Variants in JARID2 observed in about 807,000 individuals in gnomAD.
JARID2 encodes jumonji and AT-rich interaction domain containing 2.
A neutral mutation model predicts 125.6 loss-of-function variants in JARID2; 21 were observed. That is an observed-to-expected ratio of 0.17 (90% CI 0.12 to 0.24). The LOEUF (loss-of-function observed/expected upper bound fraction) is 0.24. JARID2 is among the 10% of genes least tolerant of loss of function. JARID2 has a pLI of 1.00. For synonymous variants in JARID2, 736 were observed against 661.6 expected (o/e 1.11, Z -1.73); for missense variants, 1,303 against 1,639.6 (o/e 0.79, Z 3.55).
intron 1 of JARID2, among the ~76,000 whole-genome samples, chr6:15,259,491 G>C (rs537005794): frequency 6.6e-6 from 1 of 152,292 alleles, no homozygotes; most frequent in Admixed American, 6.5e-5. Flanking sequence ...CACCAGGCTG[G>C]ACCCTATACA....
intron 6 of JARID2, among the ~76,000 whole-genome samples, chr6:15,491,419 C>A (rs763069344): frequency 6.6e-6 from 1 of 152,268 alleles, no homozygotes; most frequent in African/African-American, 2.4e-5. Context: ...AACTCACTGT[C>A]TGTCCAGTGC....
chr6:15,407,779 T>TTTCTTC (rs554233465), intron 2 of JARID2, among the ~76,000 whole-genome samples: 3 of 152,214 alleles, frequency 2.0e-5, no homozygotes, highest in Non-Finnish European at 4.4e-5. Flanking sequence ...TTTCTTCACT[T>TTTCTTC]ACTACTGAGT....
chr6:15,513,405 C>T lies in JARID2; in HGVS notation c.3433C>T (p.Leu1145=). ...SERRCQICQH[L]CYLSMVVQEN... is the part of the protein sequence containing the mutation. ...GAGGAGGTGTCAGATCTGCCAGCAC[C>T]TGTGCTACCTGTCCATGGTGAGCCC... The change falls in exon 16 of 18, where the codon CTG becomes TTG. Residue 1145 remains leucine (L), a synonymous_variant. Transcript: ENST00000341776. 1 of 1,607,554 alleles carries T rather than the reference C, an allele frequency of 6.2e-7. No individual in the cohort carries two copies. Among genetic ancestry groups the T allele is most frequent in the Non-Finnish European group, 8.5e-7 (1 of 1,176,010 alleles).
chr6:15,323,082 T>G (rs1762411649), intron 1 of JARID2, among the ~76,000 whole-genome samples: 1 of 152,210 alleles, frequency 6.6e-6, no homozygotes, highest in Non-Finnish European at 1.5e-5. Context: ...CCTCACAACA[T>G]TCTGGTTGTA....
intron 1 of JARID2, among the ~76,000 whole-genome samples, chr6:15,308,871 T>C (rs1175283256): frequency 1.3e-5 from 2 of 152,214 alleles, no homozygotes; most frequent in Non-Finnish European, 1.5e-5. Flanking sequence ...TAGGCTAATA[T>C]AGGAAAATTT....
chr6:15,279,986 A>G (rs1375472105), intron 1 of JARID2, among the ~76,000 whole-genome samples: 1 of 152,098 alleles, frequency 6.6e-6, no homozygotes, highest in Non-Finnish European at 1.5e-5. Flanking sequence ...GGGAAATTTC[A>G]TGTCTAGGGA....
intron 3 of JARID2, among the ~76,000 whole-genome samples, chr6:15,421,793 A>G (rs145135794): frequency 5.3e-5 from 8 of 152,240 alleles, no homozygotes; most frequent in African/African-American, 1.4e-4. Flanking sequence ...CTGAATTTTC[A>G]GGTGTGTGCA....
intron 8 of JARID2, among the ~76,000 whole-genome samples, chr6:15,502,846 C>T (rs1468846042): frequency 6.6e-6 from 1 of 152,172 alleles, no homozygotes; most frequent in Non-Finnish European, 1.5e-5. Flanking sequence ...ATGCAGCCTG[C>T]CAAGTGTGAC....
At chr6:15,482,418 CTT>C (rs1198383813) in intron 5 of JARID2, among the ~76,000 whole-genome samples, 2 of 152,154 alleles carry the variant, frequency 1.3e-5, no homozygotes, top group African/African-American at 4.8e-5. Context: ...AGTTAAGACA[CTT>C]TAAGATATTT....
At chr6:15,341,446 C>G (rs753444391) in intron 1 of JARID2, among the ~76,000 whole-genome samples, 16 of 152,278 alleles carry the variant, frequency 1.1e-4, no homozygotes, top group Non-Finnish European at 2.1e-4. Context: ...TAGGGCAGGC[C>G]CCAGCCTCCA....
intron 6 of JARID2, among the ~76,000 whole-genome samples, chr6:15,492,893 T>TG (rs1233151601): frequency 6.6e-6 from 1 of 152,170 alleles, no homozygotes; most frequent in African/African-American, 2.4e-5. Flanking sequence ...TGGATACTGT[T>TG]GAAGATAACT....
intron 1 of JARID2, among the ~76,000 whole-genome samples, chr6:15,259,502 C>A (rs1484539897): frequency 6.6e-6 from 1 of 152,166 alleles, no homozygotes; most frequent in Non-Finnish European, 1.5e-5. Context: ...ACCCTATACA[C>A]AATGCCACAT....
chr6:15,395,431 A>G (rs1392600768), intron 2 of JARID2, among the ~76,000 whole-genome samples: 1 of 151,788 alleles, frequency 6.6e-6, no homozygotes. Flanking sequence ...GTGCCCGGCT[A>G]AGTTTTTGTA....
At chr6:15,452,852 T>C (rs1767983269) in intron 4 of JARID2, among the ~76,000 whole-genome samples, 1 of 152,216 alleles carries the variant, frequency 6.6e-6, no homozygotes, top group Admixed American at 6.5e-5. Context: ...GAGTCATTTC[T>C]GGAGGAATGA....
chr6:15,439,104 A>ACCC lies in JARID2; in HGVS notation c.324-12901_324-12899dup, dbSNP rs562885439. On this transcript the variant is annotated intron_variant, in intron 3 of 17. Coordinates refer to ENST00000341776, the MANE Select transcript of JARID2 (RefSeq NM_004973.4). ...AGTGGAACAGGGGAGAATGAGGCAA[A>ACCC]CCCAGCTACAGTGCCTCTCATAGGA... Among the ~76,000 whole-genome samples, 24 of 152,002 alleles carry ACCC rather than the reference A, an allele frequency of 1.6e-4. No homozygotes were observed. The South Asian group carries it at 2.3e-3, about 15-fold the overall frequency.
chr6:15,445,291 C>T (rs1242015603), intron 3 of JARID2, among the ~76,000 whole-genome samples: 3 of 152,106 alleles, frequency 2.0e-5, no homozygotes, highest in Non-Finnish European at 1.5e-5. Flanking sequence ...TAGTTCATCC[C>T]TGGGGTTTCT....
chr6:15,409,338 C>T (rs1288973175), intron 2 of JARID2, among the ~76,000 whole-genome samples: 12 of 152,246 alleles, frequency 7.9e-5, no homozygotes, highest in Admixed American at 3.9e-4. Context: ...GCTAGCAGTG[C>T]TGCTCCTGCC....
chr6:15,495,268 G>A (rs993155607), intron 6 of JARID2, among the ~76,000 whole-genome samples: 18 of 152,174 alleles, frequency 1.2e-4, no homozygotes, highest in African/African-American at 4.1e-4. Flanking sequence ...TTACCACGGC[G>A]TCCAAGCTGT....
Position 15,501,007 on chromosome 6 carries a change from C to T in JARID2, c.2046C>T (p.Asp682=), listed in dbSNP as rs200079328. 6.2e-7 allele frequency: 1 copy of T among 1,614,106 alleles called. No homozygotes were observed. The highest frequency in any genetic ancestry group is 1.3e-5 in the African/African-American group (1 of 75,052). The change falls in exon 8 of 18, where the codon GAC becomes GAT. Residue 682 remains aspartate (D), a synonymous_variant. Coordinates refer to ENST00000341776, the MANE Select transcript of JARID2 (RefSeq NM_004973.4). The part of the protein sequence containing the change: ...TDLKKWNKLA[D]MLRIPRTAQD... Reference sequence around the variant, plus strand: ...TCAAAAAATGGAACAAACTAGCAGACATGCTGCGCATCCCCAGAACTGCCC... The same window carrying T: ...TCAAAAAATGGAACAAACTAGCAGATATGCTGCGCATCCCCAGAACTGCCC...
Sources: gnomAD v4.1 joint callset for allele counts (sites outside exome capture counted in the v4.1 genomes callset) on GRCh38, gnomAD v4.1.1 for gene constraint, MANE v1.5 for transcripts, NCBI Gene and HGNC (gene_info 2026-07-23, HGNC 2026-07-21) for gene names.